MAPDA: variants seen among roughly 807,000 people sequenced by gnomAD.
MAPDA encodes N6,N6-dimethyl-AMP deaminase.
chr15:43,334,633 T>TAATATA, the MAPDA span, among the ~76,000 whole-genome samples: 2 of 65,142 alleles, frequency 3.1e-5, no homozygotes, highest in Non-Finnish European at 4.7e-5. Flanking sequence ...CTCAAAAAAA[T>TAATATA]TATATATATA....
chr15:43,344,534 C>G, the MAPDA span, among the ~76,000 whole-genome samples: 1 of 152,050 alleles, frequency 6.6e-6, no homozygotes, highest in African/African-American at 2.4e-5. Context: ...ACAGGCCAAG[C>G]ACAGTGGCTC....
chr15:43,336,756 G>A, the MAPDA span: 5 of 1,283,954 alleles, frequency 3.9e-6, no homozygotes, highest in Non-Finnish European at 5.3e-6. Context: ...ATTGCACATG[G>A]CCTTTCATTT....
chr15:43,345,817 C>A, the MAPDA span: 1 of 1,612,832 alleles, frequency 6.2e-7, no homozygotes, highest in South Asian at 1.1e-5. Context: ...TCATCTGTGT[C>A]ATATTAGTTT....
At chr15:43,335,641 A>G in the MAPDA span, 1 of 1,537,064 alleles carries the variant, frequency 6.5e-7, no homozygotes, top group Non-Finnish European at 8.8e-7. Flanking sequence ...AGTACTTGGT[A>G]AGATGCTATG....
the MAPDA span, among the ~76,000 whole-genome samples, chr15:43,334,064 G>A: frequency 1.3e-5 from 2 of 152,218 alleles, no homozygotes; most frequent in Non-Finnish European, 2.9e-5. Flanking sequence ...CAGTGATTGA[G>A]ATATCAGTGT....
chr15:43,341,038 A>G, the MAPDA span, among the ~76,000 whole-genome samples: 1 of 152,154 alleles, frequency 6.6e-6, no homozygotes, highest in Non-Finnish European at 1.5e-5. Context: ...CTGGATAGAG[A>G]TGAGATCTGG....
the MAPDA span, among the ~76,000 whole-genome samples, chr15:43,344,696 C>G: frequency 6.6e-6 from 1 of 151,662 alleles, no homozygotes; most frequent in Admixed American, 6.6e-5. Flanking sequence ...GTAATCTCAG[C>G]TACTCAGAAG....
the MAPDA span, chr15:43,336,488 T>TC: frequency 3.2e-6 from 2 of 623,434 alleles, no homozygotes; most frequent in Non-Finnish European, 5.3e-6. Flanking sequence ...TCCAGATCAA[T>TC]GTAATTTTTG....
the MAPDA span, chr15:43,336,836 T>C: frequency 1.8e-6 from 1 of 557,698 alleles, no homozygotes; most frequent in East Asian, 3.5e-5. Flanking sequence ...ATGTAAGTCA[T>C]TTGCCTAAGA....
the MAPDA span, chr15:43,348,864 C>G: frequency 5.6e-6 from 9 of 1,593,522 alleles, no homozygotes; most frequent in South Asian, 1.0e-4. Flanking sequence ...TCTTAAGAAC[C>G]ACTGAAAGAG....
At chr15:43,341,663 A>ACC in the MAPDA span, among the ~76,000 whole-genome samples, 320 of 150,256 alleles carry the variant, frequency 2.1e-3, 2 homozygotes, top group African/African-American at 4.9e-3. Context: ...GCATCATAAG[A>ACC]CCCCCCCCAC....
the MAPDA span, among the ~76,000 whole-genome samples, chr15:43,348,211 A>T: frequency 6.6e-6 from 1 of 152,260 alleles, no homozygotes; most frequent in Non-Finnish European, 1.5e-5. Flanking sequence ...TGGTATGTAC[A>T]TAGCCAGCCT....
At chr15:43,333,077 C>G in the MAPDA span, among the ~76,000 whole-genome samples, 5 of 152,126 alleles carry the variant, frequency 3.3e-5, no homozygotes, top group Non-Finnish European at 4.4e-5. Context: ...AAAGGTCAGT[C>G]TGGAGGATGG....
At chr15:43,339,096 G>A in the MAPDA span, among the ~76,000 whole-genome samples, 1 of 152,192 alleles carries the variant, frequency 6.6e-6, no homozygotes, top group African/African-American at 2.4e-5. Context: ...TTAATACAAA[G>A]GTGAGGCCAC....
At chr15:43,343,213 CT>C in the MAPDA span, 1 of 575,434 alleles carries the variant, frequency 1.7e-6, no homozygotes, top group Non-Finnish European at 2.8e-6. Flanking sequence ...ATCAAGGACC[CT>C]GTTGTTTAAA....
chr15:43,350,056 A>G, the MAPDA span, among the ~76,000 whole-genome samples: 1 of 152,002 alleles, frequency 6.6e-6, no homozygotes, highest in African/African-American at 2.4e-5. Context: ...GAATTTGTTA[A>G]TAATAGGAGT....
chr15:43,354,184 A>G, the MAPDA span: 1 of 152,122 alleles, frequency 6.6e-6, no homozygotes, highest in African/African-American at 2.4e-5. Context: ...TTGGTCAGAG[A>G]AGTTTTCTGT....
At chr15:43,331,921 G>C in the MAPDA span, 3 of 152,232 alleles carry the variant, frequency 2.0e-5, no homozygotes, top group Non-Finnish European at 4.4e-5. Context: ...TACTGCACAT[G>C]CGTGTTGGTC....
the MAPDA span, chr15:43,345,930 C>T: frequency 6.2e-7 from 1 of 1,614,062 alleles, no homozygotes; most frequent in African/African-American, 1.3e-5. Flanking sequence ...GGAGTTCTTC[C>T]TTTCTACTGA....
Sources: gnomAD v4.1 joint callset for allele counts (sites outside exome capture counted in the v4.1 genomes callset) on GRCh38, gnomAD v4.1.1 for gene constraint, MANE v1.5 for transcripts, NCBI Gene and HGNC (gene_info 2026-07-23, HGNC 2026-07-21) for gene names.